Variants in PCDHA13 observed in about 807,000 individuals in gnomAD.
The protein encoded by PCDHA13 is protocadherin alpha 13, also known as protocadherin alpha-13.
A neutral mutation model predicts 64.8 loss-of-function variants in PCDHA13; 54 were observed. The observed-to-expected ratio is 0.83, with a 90% confidence interval of 0.67 to 1.04. PCDHA13 has a LOEUF of 1.04. Among genes scored for constraint, PCDHA13 ranks in the 50% least tolerant of loss-of-function variants. The pLI, the probability that PCDHA13 is intolerant of heterozygous loss-of-function variation, is 0.00. For missense variants in PCDHA13, 1,248 were observed against 1,254.3 expected (o/e 0.99, Z 0.08); for synonymous variants, 587 against 564.4 (o/e 1.04, Z -0.57).
intron 1 of PCDHA13, among the ~76,000 whole-genome samples, chr5:140,969,822 G>C (rs559271640): frequency 2.0e-5 from 3 of 152,202 alleles, no homozygotes; most frequent in Non-Finnish European, 4.4e-5. Context: ...ACTCTGGACT[G>C]TCTACAGTGG....
chr5:140,883,870 G>A lies in PCDHA13; in HGVS notation c.1602G>A (p.Gln534=). The part of the protein sequence containing the change: ...DHEELELLQF[Q]VSARDSGVPP... Reference sequence around the variant, plus strand: ...AGGAGCTGGAGCTGTTGCAGTTCCAGGTGAGCGCGCGCGACTCTGGCGTGC... The same window carrying A: ...AGGAGCTGGAGCTGTTGCAGTTCCAAGTGAGCGCGCGCGACTCTGGCGTGC... Residue 534 remains glutamine, a synonymous_variant, in exon 1 of 4, where the codon CAG becomes CAA. Transcript: ENST00000289272. 6.2e-7 allele frequency: 1 copy of A among 1,613,302 alleles called. No homozygotes were observed.
At chr5:141,003,936 C>T (rs934368361) in intron 3 of PCDHA13, among the ~76,000 whole-genome samples, 41 of 152,122 alleles carry the variant, frequency 2.7e-4, no homozygotes, top group African/African-American at 9.9e-4. Context: ...TTGTCTTTGC[C>T]TGAGGGTGAG....
intron 1 of PCDHA13, chr5:140,967,979 G>A (rs1405177525): frequency 1.2e-6 from 2 of 1,614,100 alleles, no homozygotes; most frequent in African/African-American, 1.3e-5. Flanking sequence ...CCTGGGTCTG[G>A]AGGCCACACT....
chr5:140,953,778 A>AT, intron 1 of PCDHA13, among the ~76,000 whole-genome samples: 1 of 152,106 alleles, frequency 6.6e-6, no homozygotes, highest in South Asian at 2.1e-4. Context: ...ATATTTATTT[A>AT]TTTTTTTCTT....
intron 3 of PCDHA13, among the ~76,000 whole-genome samples, chr5:140,998,290 C>T (rs782194130): frequency 3.9e-5 from 6 of 152,180 alleles, no homozygotes; most frequent in Admixed American, 2.6e-4. Context: ...TAAATCAGAT[C>T]ACACATTTAG....
chr5:140,969,314 G>A (rs200006206), intron 1 of PCDHA13: 2 of 1,614,032 alleles, frequency 1.2e-6, no homozygotes, highest in Non-Finnish European at 1.7e-6. Context: ...CAAAAATGAG[G>A]CTGTTTCTCA....
chr5:140,993,449 C>T (rs2097557237), intron 3 of PCDHA13, among the ~76,000 whole-genome samples: 1 of 144,318 alleles, frequency 6.9e-6, no homozygotes, highest in Non-Finnish European at 1.5e-5. Context: ...TTCCTGTTCT[C>T]CTTCTTTCTT....
chr5:140,968,935 C>T, intron 1 of PCDHA13: 1 of 1,614,172 alleles, frequency 6.2e-7, no homozygotes, highest in Non-Finnish European at 8.5e-7. Context: ...TTTTGACAAT[C>T]ATCATTTTGA....
intron 1 of PCDHA13, among the ~76,000 whole-genome samples, chr5:140,943,311 T>C (rs1281237979): frequency 1.3e-5 from 2 of 150,340 alleles, no homozygotes. Flanking sequence ...AAGTCATTAT[T>C]AGCAATATTG....
At chr5:140,918,129 T>C (rs1299993749) in intron 1 of PCDHA13, among the ~76,000 whole-genome samples, 2 of 152,198 alleles carry the variant, frequency 1.3e-5, no homozygotes, top group African/African-American at 2.4e-5. Flanking sequence ...GCCATATTCC[T>C]AGGTATTTTC....
At chr5:140,956,565 A>G (rs190736286) in intron 1 of PCDHA13, among the ~76,000 whole-genome samples, 2 of 152,284 alleles carry the variant, frequency 1.3e-5, no homozygotes, top group Non-Finnish European at 2.9e-5. Flanking sequence ...TATCTTATTG[A>G]GGATTTTTGC....
intron 1 of PCDHA13, among the ~76,000 whole-genome samples, chr5:140,969,881 G>A (rs1554232131): frequency 6.6e-6 from 1 of 152,196 alleles, no homozygotes; most frequent in African/African-American, 2.4e-5. Context: ...CTATGTGATA[G>A]GATCCTCTGG....
intron 1 of PCDHA13, among the ~76,000 whole-genome samples, chr5:140,936,591 G>T (rs1188475668): frequency 6.6e-6 from 1 of 152,180 alleles, no homozygotes; most frequent in Non-Finnish European, 1.5e-5. Context: ...CAGTTAGATT[G>T]CCTACTTTCC....
At chr5:140,903,313 C>G (rs974760383) in intron 1 of PCDHA13, among the ~76,000 whole-genome samples, 2 of 152,088 alleles carry the variant, frequency 1.3e-5, no homozygotes, top group South Asian at 4.1e-4. Context: ...ACAATAAAGA[C>G]AGCATTTTTA....
At chr5:140,952,879 G>C (rs1325308016) in intron 1 of PCDHA13, among the ~76,000 whole-genome samples, 1 of 152,094 alleles carries the variant, frequency 6.6e-6, no homozygotes, top group Non-Finnish European at 1.5e-5. Context: ...TTACAATCAT[G>C]GTGGAAGGCA....
intron 3 of PCDHA13, among the ~76,000 whole-genome samples, chr5:141,007,339 T>C (rs2098316015): frequency 6.9e-6 from 1 of 143,904 alleles, no homozygotes; most frequent in Non-Finnish European, 1.5e-5. Context: ...TTGCCTGAGC[T>C]CAGGAGTTCG....
intron 1 of PCDHA13, chr5:140,968,744 G>T: frequency 6.2e-7 from 1 of 1,614,164 alleles, no homozygotes; most frequent in Non-Finnish European, 8.5e-7. Context: ...CAACCTGACC[G>T]TGGTGGTCCG....
chr5:140,913,558 G>T (rs1042223174), intron 1 of PCDHA13, among the ~76,000 whole-genome samples: 5 of 151,668 alleles, frequency 3.3e-5, no homozygotes, highest in Admixed American at 3.3e-4. Flanking sequence ...TTGATCTCTT[G>T]TATTTTCATC....
intron 1 of PCDHA13, among the ~76,000 whole-genome samples, chr5:140,925,210 C>T (rs1319343041): frequency 2.0e-5 from 3 of 152,122 alleles, no homozygotes; most frequent in African/African-American, 7.2e-5. Context: ...ATTATCGATA[C>T]TTTTAGGCAG....
Sources: gnomAD v4.1 joint callset for allele counts (sites outside exome capture counted in the v4.1 genomes callset) on GRCh38, gnomAD v4.1.1 for gene constraint, MANE v1.5 for transcripts, NCBI Gene and HGNC (gene_info 2026-07-23, HGNC 2026-07-21) for gene names.